The following ODAD3 variants were observed in gnomAD, a reference collection of about 807,000 sequenced individuals.
The protein encoded by ODAD3 is outer dynein arm-docking complex subunit 3.
Under a neutral mutation model 70.9 loss-of-function variants are expected in ODAD3, and 57 were observed. That is an observed-to-expected ratio of 0.80 (90% CI 0.65 to 1.00). ODAD3 has a LOEUF of 1.00. Ranked by LOEUF, ODAD3 falls within the 50% of genes least tolerant of loss-of-function variation. The pLI, the probability that ODAD3 is intolerant of heterozygous loss-of-function variation, is 0.00. For synonymous variants in ODAD3, 327 were observed against 315.9 expected, an observed-to-expected ratio of 1.04 and a Z score of -0.37; for missense variants, 797 against 763.9, an observed-to-expected ratio of 1.04 and a Z score of -0.51.
chr19:11,425,760 G>C (rs1431382242), intron 7 of ODAD3, among the ~76,000 whole-genome samples: 1 of 149,784 alleles, frequency 6.7e-6, no homozygotes, highest in African/African-American at 2.4e-5. Context: ...CTGGATGGGA[G>C]GCAGCCTCAG....
At chr19:11,434,718 G>T in intron 1 of ODAD3, 55 bp downstream of exon 1, 1 of 1,546,648 alleles carries the variant, frequency 6.5e-7, no homozygotes, top group Non-Finnish European at 8.8e-7. Flanking sequence ...ACACCATGAA[G>T]ATTGGATGGG....
chr19:11,425,333 G>A (rs748981747), intron 7 of ODAD3, among the ~76,000 whole-genome samples: 3 of 130,726 alleles, frequency 2.3e-5, no homozygotes, highest in East Asian at 2.2e-4. Flanking sequence ...ATGTACATAT[G>A]TGTATATATG....
At position 11,434,754 on chromosome 19, in the gene ODAD3, CCCTCTGGAG is replaced by C; in HGVS notation, c.244+10_244+18del. 6.3e-7 allele frequency: 1 copy of C among 1,598,526 alleles called. No individual in the cohort carries two copies. Among genetic ancestry groups the C allele is most frequent in the African/African-American group, 1.3e-5 (1 of 74,760 alleles). ...CACTGTTGACCCCTGACCCTCTGTA[CCCTCTGGAG>C]CCATCTTACCTAACAGTTGTATCTT... is the stretch of plus-strand genomic sequence containing the variant. On this transcript the variant is annotated intron_variant, in intron 1 of 12. Coordinates refer to ENST00000356392, the MANE Select transcript of ODAD3 (RefSeq NM_145045.5).
intron 3 of ODAD3, among the ~76,000 whole-genome samples, chr19:11,430,342 T>A (rs1465586729): frequency 2.0e-5 from 3 of 152,062 alleles, no homozygotes; most frequent in African/African-American, 7.2e-5. Context: ...TTCTCCATGT[T>A]GGTCAGGTTG....
intron 1 of ODAD3, among the ~76,000 whole-genome samples, chr19:11,434,098 A>G (rs1172472532): frequency 6.6e-6 from 1 of 152,064 alleles, no homozygotes; most frequent in Non-Finnish European, 1.5e-5. Context: ...CTATAGTCCC[A>G]GCTAGTCAGG....
intron 7 of ODAD3, among the ~76,000 whole-genome samples, chr19:11,425,246 T>C (rs1357852135): frequency 7.6e-6 from 1 of 132,088 alleles, no homozygotes; most frequent in Admixed American, 7.1e-5. Context: ...CATATGTGTA[T>C]ATATGTATAT....
rs1461233004 is a variant in ODAD3 at position 11,424,594 on chromosome 19, TAA to T, written c.964-567_964-566del. ...ATATGTGTATATATACCTATGTGTATAAATATATATGTGTATATATACCTATG... is the reference window on the plus strand; with the variant it reads ...ATATGTGTATATATACCTATGTGTATATATATATGTGTATATATACCTATG... On this transcript the variant is annotated intron_variant, in intron 7 of 12. Coordinates refer to ENST00000356392, the MANE Select transcript of ODAD3 (RefSeq NM_145045.5). Among the ~76,000 whole-genome samples the T allele has an allele frequency of 3.0e-3, 407 of 133,970 alleles. 6 individuals are homozygous for T. The highest frequency in any genetic ancestry group is 4.9e-3 in the South Asian group (22 of 4,512). 87.9% of individuals were successfully genotyped at this position (133,970 alleles called of 152,430 possible).
chr19:11,435,357 C>G, upstream of ODAD3: 1 of 510,018 alleles, frequency 2.0e-6, no homozygotes, highest in Non-Finnish European at 3.3e-6. Flanking sequence ...CCCTACCTCC[C>G]CCAACCTTAT....
intron 12 of ODAD3, 48 bp downstream of exon 12, chr19:11,421,080 C>T (rs754641589): frequency 2.5e-6 from 4 of 1,604,296 alleles, no homozygotes; most frequent in Non-Finnish European, 3.4e-6. Flanking sequence ...TCCTGCTACC[C>T]AGCTTGGGGC....
Position 11,422,543 on chromosome 19 carries a change from G to T in ODAD3, c.1362C>A (p.Arg454=). The T allele has an allele frequency of 6.3e-7, 1 of 1,591,306 alleles. No individual in the cohort carries two copies. The change falls in exon 10 of 13, where the codon CGC becomes CGA. Residue 454 remains arginine, a synonymous_variant. Coordinates refer to ENST00000356392, the MANE Select transcript of ODAD3 (RefSeq NM_145045.5). The surrounding 1 kb of genome is among the most constrained non-coding windows in gnomAD (Gnocchi z 4.6). ...RHAEAKDQLE[R]ALRAMQVAKD... ...TGGCCACTTGCATCGCCCGCAAGGC[G>T]CGCTCCAGCTGGTCCTTGGCCTCGG...
At chr19:11,434,204 C>T (rs1470346618) in intron 1 of ODAD3, among the ~76,000 whole-genome samples, 5 of 147,110 alleles carry the variant, frequency 3.4e-5, no homozygotes, top group Admixed American at 3.4e-4. Context: ...CAGAGCAAGA[C>T]CCTGTCTCAA....
chr19:11,433,142 CA>C (rs981839424), intron 1 of ODAD3, among the ~76,000 whole-genome samples: 12 of 152,168 alleles, frequency 7.9e-5, no homozygotes, highest in African/African-American at 2.9e-4. Flanking sequence ...ATAGCTTACA[CA>C]CAAGGATTCT....
intron 7 of ODAD3, among the ~76,000 whole-genome samples, chr19:11,424,956 CATATGTGT>C (rs1381039303): frequency 9.4e-6 from 1 of 105,838 alleles, no homozygotes; most frequent in African/African-American, 4.3e-5. Flanking sequence ...TGTATATGTA[CATATGTGT>C]ATATATGTAT....
At chr19:11,429,305 G>C (rs982416774) in intron 3 of ODAD3, among the ~76,000 whole-genome samples, 2 of 151,956 alleles carry the variant, frequency 1.3e-5, no homozygotes, top group Admixed American at 1.3e-4. Flanking sequence ...TCCGCCTCCC[G>C]GGTTCAAACT....
In ODAD3 at chr19:11,424,329, C is replaced by A. The variant is rs1220943862; in HGVS notation, c.964-300G>T. Among the ~76,000 whole-genome samples, 6 of 151,836 alleles carry A rather than the reference C, an allele frequency of 4.0e-5. No individual in the cohort carries two copies. The East Asian group carries it at 1.2e-3, about 29-fold the overall frequency. ...GACCAGCTTGGACAACACGGCGAGACCCCGTCTCTACAAAAAACACCAAAA... is the reference window on the plus strand; with the variant it reads ...GACCAGCTTGGACAACACGGCGAGAACCCGTCTCTACAAAAAACACCAAAA... On this transcript the variant is annotated intron_variant, in intron 7 of 12. Coordinates refer to ENST00000356392, the MANE Select transcript of ODAD3 (RefSeq NM_145045.5).
intron 11 of ODAD3, 70 bp downstream of exon 11, chr19:11,421,607 C>G (rs1267261946): frequency 4.6e-6 from 7 of 1,532,936 alleles, no homozygotes; most frequent in South Asian, 2.4e-5. Flanking sequence ...AAGTTGCCCC[C>G]GGTTCCCTGG....
chr19:11,420,927 C>T lies in ODAD3; in HGVS notation c.1696G>A (p.Asp566Asn). ...GATGCGCGGGTCACTACCTCGTTGT[C>T]CTCCTCCTCACTCTCTTCGTCTAAG... ...KFFDEESEEE[D>N]NEVVTRASLK... Residue 566 changes from aspartate (D) to asparagine (N), a missense_variant, in exon 13 of 13, where the codon GAC becomes AAC. By Grantham distance (23) the Asp-to-Asn change is conservative. Coordinates refer to ENST00000356392, the MANE Select transcript of ODAD3 (RefSeq NM_145045.5). 1 of 1,613,710 alleles carries T rather than the reference C, an allele frequency of 6.2e-7. No homozygotes were observed. Among genetic ancestry groups the T allele is most frequent in the Non-Finnish European group, 8.5e-7 (1 of 1,179,762 alleles).
intron 8 of ODAD3, among the ~76,000 whole-genome samples, chr19:11,423,171 G>A (rs1969182215): frequency 6.6e-6 from 1 of 152,222 alleles, no homozygotes; most frequent in Non-Finnish European, 1.5e-5. Context: ...ATTTCTGGCC[G>A]TGAATCTCGC....
At chr19:11,428,612 G>A (rs967486163) in intron 3 of ODAD3, among the ~76,000 whole-genome samples, 4 of 152,012 alleles carry the variant, frequency 2.6e-5, no homozygotes, top group Admixed American at 6.6e-5. Context: ...GCAGTGGCAC[G>A]AACATGACTC....
Sources: allele counts gnomAD v4.1 joint callset (sites outside exome capture counted in the v4.1 genomes callset), GRCh38; gene constraint gnomAD v4.1.1; non-coding constraint Gnocchi (gnomAD v3.1); transcripts MANE v1.5; gene names NCBI Gene and HGNC (gene_info 2026-07-23, HGNC 2026-07-21).